Variants in SEMA5A observed in about 807,000 individuals in gnomAD.
SEMA5A encodes semaphorin 5A.
In SEMA5A, 55 loss-of-function variants were observed where a neutral mutation model predicts 135.5. That is an observed-to-expected ratio of 0.41 (90% CI 0.33 to 0.51). The LOEUF is 0.51. SEMA5A is among the 20% of genes least tolerant of loss of function. The pLI, the probability that SEMA5A is intolerant of heterozygous loss-of-function variation, is 0.37. For synonymous variants in SEMA5A, 580 were observed against 546.5 expected, an observed-to-expected ratio of 1.06 and a Z score of -0.85; for missense variants, 1,290 against 1,419.9, an observed-to-expected ratio of 0.91 and a Z score of 1.47.
chr5:9,056,761 A>G (rs561505089), intron 18 of SEMA5A, among the ~76,000 whole-genome samples: 55 of 152,292 alleles, frequency 3.6e-4, no homozygotes, highest in African/African-American at 1.3e-3. Flanking sequence ...AAGATCTAGC[A>G]ATCCCAATCC....
At chr5:9,411,445 G>A (rs561421251) in intron 2 of SEMA5A, among the ~76,000 whole-genome samples, 46 of 152,250 alleles carry the variant, frequency 3.0e-4, no homozygotes, top group Middle Eastern at 3.4e-3. Flanking sequence ...TGTTAGTTGC[G>A]CACCCATAGA....
intron 8 of SEMA5A, among the ~76,000 whole-genome samples, chr5:9,208,594 C>T (rs906203641): frequency 2.0e-5 from 3 of 152,056 alleles, no homozygotes; most frequent in Non-Finnish European, 4.4e-5. Context: ...GCCACCCAGA[C>T]AAGGATGGGG....
At chr5:9,236,924 A>T (rs1747944335) in intron 6 of SEMA5A, among the ~76,000 whole-genome samples, 1 of 152,180 alleles carries the variant, frequency 6.6e-6, no homozygotes. Flanking sequence ...GGGTAAAAAA[A>T]AGGTACATAA....
intron 1 of SEMA5A, among the ~76,000 whole-genome samples, chr5:9,528,569 C>T (rs1737263709): frequency 6.6e-6 from 1 of 152,174 alleles, no homozygotes; most frequent in Admixed American, 6.5e-5. Flanking sequence ...CTGTCCTTGG[C>T]ACAGCCTTTA....
chr5:9,214,523 A>G (rs1311744321), intron 8 of SEMA5A, among the ~76,000 whole-genome samples: 2 of 152,248 alleles, frequency 1.3e-5, no homozygotes, highest in African/African-American at 2.4e-5. Context: ...GGTTTTTAGA[A>G]CCATACCAGA....
rs1303827555 is a variant in SEMA5A at position 9,400,654 on chromosome 5, C to T, written c.-77-20631G>A. On this transcript the variant is annotated intron_variant, in intron 2 of 22. Coordinates refer to ENST00000382496, the MANE Select transcript of SEMA5A (RefSeq NM_003966.3). ...CCCAAGTAGCTGGGACTACAGGCGC[C>T]CGCCACTACGCCCGGCTAATTTTTT... is the stretch of plus-strand genomic sequence containing the variant. Among the ~76,000 whole-genome samples, 2 of 112,884 alleles carry T rather than the reference C, an allele frequency of 1.8e-5. 1 individual carries two copies. Among genetic ancestry groups the T allele is most frequent in the Non-Finnish European group, 3.6e-5 (2 of 55,418 alleles). 74.1% of individuals were successfully genotyped at this position (112,884 alleles called of 152,430 possible).
chr5:9,396,719 G>C (rs567583533), intron 2 of SEMA5A, among the ~76,000 whole-genome samples: 1 of 152,266 alleles, frequency 6.6e-6, no homozygotes, highest in African/African-American at 2.4e-5. Context: ...TCCTTACAGA[G>C]AGAACCCCAG....
intron 5 of SEMA5A, among the ~76,000 whole-genome samples, chr5:9,254,061 A>G (rs1805949): frequency 0.36 from 54,788 of 152,038 alleles, 10,486 homozygotes; most frequent in East Asian, 0.48. Context: ...AAATCACTTG[A>G]TTGGTTCTCT....
intron 1 of SEMA5A, among the ~76,000 whole-genome samples, chr5:9,439,035 G>A (rs1188191881): frequency 6.6e-6 from 1 of 152,146 alleles, no homozygotes. Context: ...GAAGCAAGGG[G>A]GTGACCCAGG....
chr5:9,537,284 A>T (rs1737819851), intron 1 of SEMA5A, among the ~76,000 whole-genome samples: 2 of 152,204 alleles, frequency 1.3e-5, no homozygotes, highest in Non-Finnish European at 2.9e-5. Context: ...TTCAAAACTA[A>T]ATACCTGCCC....
chr5:9,300,252 T>C (rs926562480), intron 5 of SEMA5A, among the ~76,000 whole-genome samples: 4 of 152,142 alleles, frequency 2.6e-5, no homozygotes, highest in Non-Finnish European at 5.9e-5. Flanking sequence ...GGTCTCAAAC[T>C]CCTGGGTTCA....
At chr5:9,242,353 TA>T (rs2150465557) in intron 5 of SEMA5A, among the ~76,000 whole-genome samples, 1 of 152,362 alleles carries the variant, frequency 6.6e-6, no homozygotes, top group East Asian at 1.9e-4. Flanking sequence ...AAAAAGGCAG[TA>T]AACATTTCAG....
chr5:9,204,511 A>G lies in SEMA5A; in HGVS notation c.647-2271T>C, dbSNP rs1745902299. On this transcript the variant is annotated intron_variant, in intron 8 of 22. Transcript: ENST00000382496. This position sits in a 1 kb window ranked among gnomAD's most constrained non-coding sequence, Gnocchi z 6.4. ...TGAGTTTATAATAAAAACAGCTAAT[A>G]TCTGTAGAATGCTAAGTCTTGTGCC... is the stretch of plus-strand genomic sequence containing the variant. 6.6e-6 allele frequency among the ~76,000 whole-genome samples: 1 copy of G among 152,224 alleles called. No individual in the cohort carries two copies. Among genetic ancestry groups the G allele is most frequent in the South Asian group, 2.1e-4 (1 of 4,834 alleles).
chr5:9,412,350 C>T (rs555520097), intron 2 of SEMA5A, among the ~76,000 whole-genome samples: 1 of 152,016 alleles, frequency 6.6e-6, no homozygotes, highest in South Asian at 2.1e-4. Context: ...TTAGATTATC[C>T]TATACCCAAT....
chr5:9,512,929 G>C lies in SEMA5A; in HGVS notation c.-175+32655C>G, dbSNP rs188423483. ...TTTCAGTAATTAAGCATTTTTCCTAGAGTGTTGCAAACCAAATAGAGTTCT... is the reference window on the plus strand; with the variant it reads ...TTTCAGTAATTAAGCATTTTTCCTACAGTGTTGCAAACCAAATAGAGTTCT... On this transcript the variant is annotated intron_variant, in intron 1 of 22. Transcript: ENST00000382496. Among the ~76,000 whole-genome samples, 38 of 152,008 alleles carry C rather than the reference G, an allele frequency of 2.5e-4. No individual in the cohort carries two copies. The East Asian group carries it at 5.4e-3, about 22-fold the overall frequency.
At chr5:9,213,067 G>A (rs1236337933) in intron 8 of SEMA5A, among the ~76,000 whole-genome samples, 1 of 152,144 alleles carries the variant, frequency 6.6e-6, no homozygotes, top group Non-Finnish European at 1.5e-5. Flanking sequence ...TCACAAGGTG[G>A]GAGGAATGAG....
At chr5:9,166,696 G>A (rs530384023) in intron 11 of SEMA5A, among the ~76,000 whole-genome samples, 12 of 152,154 alleles carry the variant, frequency 7.9e-5, no homozygotes, top group African/African-American at 2.4e-4. Flanking sequence ...ATAAGCCAGC[G>A]CTTATAGGAA....
intron 5 of SEMA5A, among the ~76,000 whole-genome samples, chr5:9,297,151 T>TA (rs1222380118): frequency 2.6e-5 from 4 of 151,816 alleles, no homozygotes; most frequent in Non-Finnish European, 4.4e-5. Flanking sequence ...AAATTCAACC[T>TA]AAAAAAATAC....
intron 1 of SEMA5A, among the ~76,000 whole-genome samples, chr5:9,531,571 C>A (rs1172986888): frequency 1.3e-5 from 2 of 152,224 alleles, no homozygotes; most frequent in Non-Finnish European, 2.9e-5. Context: ...CTCTCTCCTG[C>A]TGTCACTGCA....
Sources: allele counts gnomAD v4.1 joint callset (sites outside exome capture counted in the v4.1 genomes callset), GRCh38; gene constraint gnomAD v4.1.1; non-coding constraint Gnocchi (gnomAD v3.1); transcripts MANE v1.5; gene names NCBI Gene and HGNC (gene_info 2026-07-23, HGNC 2026-07-21).